ERCC2: variants seen among roughly 807,000 people sequenced by gnomAD.
ERCC2 encodes general transcription and DNA repair factor IIH helicase subunit XPD.
ERCC2 carries 90 observed loss-of-function variants against 99.4 expected under a neutral mutation model. That is an observed-to-expected ratio of 0.91 (90% CI 0.76 to 1.08). The LOEUF (loss-of-function observed/expected upper bound fraction) is 1.08. Ranked by LOEUF, ERCC2 falls within the 50% of genes least tolerant of loss-of-function variation. ERCC2 has a pLI of 0.00. For missense variants in ERCC2, 993 were observed against 1,038.1 expected (o/e 0.96, Z 0.60); for synonymous variants, 497 against 432.4 (o/e 1.15, Z -1.85).
intron 5 of ERCC2, among the ~76,000 whole-genome samples, chr19:45,365,503 C>T (rs1282439450): frequency 6.6e-6 from 1 of 152,054 alleles, no homozygotes; most frequent in Non-Finnish European, 1.5e-5. Context: ...CCCAGTTACT[C>T]GGGAGGCTGA....
intron 12 of ERCC2, chr19:45,358,623 T>C: frequency 3.6e-6 from 2 of 559,844 alleles, no homozygotes; most frequent in Non-Finnish European, 6.4e-6. Flanking sequence ...CCTTTATACT[T>C]GCTGGTCCCA....
At chr19:45,365,381 C>T (rs1229049243) in intron 5 of ERCC2, among the ~76,000 whole-genome samples, 1 of 152,190 alleles carries the variant, frequency 6.6e-6, no homozygotes, top group Non-Finnish European at 1.5e-5. Context: ...CTTTGTGAGG[C>T]TGAGGTGGGC....
rs766330583 is a variant in ERCC2 at position 45,364,302 on chromosome 19, T to G, written c.748A>C (p.Asn250His). 2 of 1,613,984 alleles carry G rather than the reference T, an allele frequency of 1.2e-6. No individual in the cohort carries two copies. The highest frequency in any genetic ancestry group is 1.7e-6 in the Non-Finnish European group (2 of 1,179,984). Residue 250 changes from asparagine (N) to histidine (H), a missense_variant, in exon 9 of 23, where the codon AAC becomes CAC. This residue lies in a region of ERCC2 where 909 missense variants were observed against 930.8 expected (regional missense o/e 0.98). Coordinates refer to ENST00000391945, the MANE Select transcript of ERCC2 (RefSeq NM_000400.4). ...CGGTCAAGGGTCCGGCGGGTGAGGT[T>G]GACGCTCATGGAGTCGATGCAGACG... ...DNVCIDSMSV[N>H]LTRRTLDRCQ...
chr19:45,350,431 G>T lies in ERCC2; in HGVS notation c.*1198C>A, dbSNP rs373031387. On this transcript the variant is annotated 3_prime_UTR_variant, in exon 23 of 23. Coordinates refer to ENST00000391945, the MANE Select transcript of ERCC2 (RefSeq NM_000400.4). The stretch of plus-strand genomic sequence containing the variant: ...CAAGGAGGACCTACCCGCCCCTCTC[G>T]GTGAGCCCCTAGCCCCTGTCTGTCT... The T allele has an allele frequency of 6.2e-7, 1 of 1,612,396 alleles. No individual in the cohort carries two copies. The highest frequency in any genetic ancestry group is 1.7e-5 in the Admixed American group (1 of 59,990).
At chr19:45,364,187 G>A in intron 9 of ERCC2, 48 bp downstream of exon 9, 1 of 1,611,550 alleles carries the variant, frequency 6.2e-7, no homozygotes, top group African/African-American at 1.3e-5. Context: ...CAGGGGCCAG[G>A]GTCCCAGGGG....
At chr19:45,354,581 G>T in intron 17 of ERCC2, 149 bp downstream of exon 17, 1 of 984,300 alleles carries the variant, frequency 1.0e-6, no homozygotes, top group Non-Finnish European at 1.6e-6. Flanking sequence ...GGTGTGTGCT[G>T]CTTACACCCC....
In ERCC2 at chr19:45,351,184, G is replaced by A; in HGVS notation, c.*445C>T. On this transcript the variant is annotated 3_prime_UTR_variant, in exon 23 of 23. Coordinates refer to ENST00000391945, the MANE Select transcript of ERCC2 (RefSeq NM_000400.4). ...TGGGTTTTACTTGGGGTAGAGGCGA[G>A]GGGGTTGGATAGTTGGCTGCCAGGC... 2 of 1,585,884 alleles carry A rather than the reference G, an allele frequency of 1.3e-6. No homozygotes were observed. Among genetic ancestry groups the A allele is most frequent in the African/African-American group, 1.3e-5 (1 of 74,658 alleles).
At chr19:45,367,368 TACACACACACACACACACACAC>T (rs35938083) in intron 5 of ERCC2, among the ~76,000 whole-genome samples, 1 of 83,272 alleles carries the variant, frequency 1.2e-5, no homozygotes, top group South Asian at 3.5e-4. Context: ...TATATATATA[TACACACACACACACACACACAC>T]ACACACACAC....
intron 11 of ERCC2, chr19:45,361,987 A>G (rs1972241357): frequency 6.3e-6 from 2 of 319,926 alleles, no homozygotes; most frequent in Non-Finnish European, 6.1e-6. Context: ...TCCAGGCTGG[A>G]GAGCACTGGT....
In ERCC2 at chr19:45,351,166, T is replaced by C. The variant is rs1599719965; in HGVS notation, c.*463A>G. The C allele has an allele frequency of 6.3e-7, 1 of 1,588,258 alleles. No homozygotes were observed. The highest frequency in any genetic ancestry group is 8.6e-7 in the Non-Finnish European group (1 of 1,166,576). The stretch of plus-strand genomic sequence containing the variant: ...CCAGGACAGGAGCAAAGATGGGTTT[T>C]ACTTGGGGTAGAGGCGAGGGGGTTG... On this transcript the variant is annotated 3_prime_UTR_variant, in exon 23 of 23. Transcript: ENST00000391945.
In ERCC2 at chr19:45,351,390, G is replaced by GACCC; in HGVS notation, c.*238_*239insGGGT. The GACCC allele has an allele frequency of 6.2e-7, 1 of 1,606,562 alleles. No homozygotes were observed. The highest frequency in any genetic ancestry group is 8.5e-7 in the Non-Finnish European group (1 of 1,179,848). ...TGAACTGCGCTGGCCGCAGCTTCTT[G>GACCC]GGAACAGTGCAGGAGGGATGGGCTG... On this transcript the variant is annotated 3_prime_UTR_variant, in exon 23 of 23. Transcript: ENST00000391945.
rs752557188 is a variant in ERCC2 at position 45,368,788 on chromosome 19, G to A, written c.247-45C>T. 3.9e-6 allele frequency: 6 copies of A among 1,554,732 alleles called. No individual in the cohort carries two copies. The South Asian group carries it at 4.5e-5, about 12-fold the overall frequency. The stretch of plus-strand genomic sequence containing the variant: ...CAGGGGGAGCTTGTGCTCATTGGAG[G>A]CACAAACCCCTGCCCTGCCAGGTCC... On this transcript the variant is annotated intron_variant, in intron 4 of 22. Coordinates refer to ENST00000391945, the MANE Select transcript of ERCC2 (RefSeq NM_000400.4).
At chr19:45,364,682 G>T in intron 7 of ERCC2, 135 bp from the exon 8 acceptor site, 3 of 1,395,462 alleles carry the variant, frequency 2.1e-6, no homozygotes, top group South Asian at 1.2e-5. Flanking sequence ...TGAGCAGATG[G>T]ATAGAGACAG....
chr19:45,358,331 T>G, intron 12 of ERCC2: 1 of 194,526 alleles, frequency 5.1e-6, no homozygotes, highest in East Asian at 1.3e-4. Context: ...CCCACGACCT[T>G]TCTACCTAAG....
rs1244316049 is a variant in ERCC2, at chr19:45,364,454, C to T, written c.688G>A (p.Val230Ile). 2 of 1,614,004 alleles carry T rather than the reference C, an allele frequency of 1.2e-6. No homozygotes were observed. The highest frequency in any genetic ancestry group is 1.7e-6 in the Non-Finnish European group (2 of 1,179,996). The change falls in exon 8 of 23, where the codon GTC becomes ATC. Residue 230 changes from valine to isoleucine, a missense_variant. This residue lies in a region of ERCC2 where 909 missense variants were observed against 930.8 expected (regional missense o/e 0.98). Transcript: ENST00000391945. Reference sequence around the variant, plus strand: ...TTGTGGGCCTCGTCGAAGACCACGACGGCCTTGCGGGCCAGTTCCTTGGAC... The same window carrying T: ...TTGTGGGCCTCGTCGAAGACCACGATGGCCTTGCGGGCCAGTTCCTTGGAC... ...LVSKELARKA[V>I]VVFDEAHNID...
Position 45,352,767 on chromosome 19 carries a change from G to A in ERCC2, c.1881C>T (p.Tyr627=). 1 of 1,613,938 alleles carries A rather than the reference G, an allele frequency of 6.2e-7. No individual in the cohort carries two copies. Among genetic ancestry groups the A allele is most frequent in the Non-Finnish European group, 8.5e-7 (1 of 1,179,902 alleles). ...AVIMFGVPYV[Y]TQSRILKARL... The stretch of plus-strand genomic sequence containing the variant: ...TCACCTTGAGAATGCGGCTCTGTGT[G>A]TAGACGTAGGGGACGCCAAACATGA... Residue 627 remains tyrosine, a synonymous_variant, in exon 20 of 23, where the codon TAC becomes TAT. Coordinates refer to ENST00000391945, the MANE Select transcript of ERCC2 (RefSeq NM_000400.4).
intron 13 of ERCC2, 41 bp from the exon 14 acceptor site, chr19:45,357,584 C>T: frequency 1.9e-6 from 3 of 1,613,436 alleles, no homozygotes; most frequent in South Asian, 1.1e-5. Flanking sequence ...GGGGGCTGGG[C>T]CCCCGACCCA....
chr19:45,364,033 G>C lies in ERCC2; in HGVS notation c.902C>G (p.Thr301Arg). Residue 301 changes from threonine (T) to arginine (R), a missense_variant, in exon 10 of 23, where the codon ACG (threonine) becomes AGG (arginine). Around this residue, in one of 3 missense-constraint regions of ERCC2, gnomAD observed 909 missense variants for 930.8 expected, o/e 0.98. Coordinates refer to ENST00000391945, the MANE Select transcript of ERCC2 (RefSeq NM_000400.4). ...GLREASAARE[T>R]DAHLANPVLP... ...CACGGGGTTGGCCAGGTGGGCGTCC[G>C]TCTCCCGGGCGGCGCTGGCCTCCCG... is the stretch of plus-strand genomic sequence containing the variant. 6.4e-7 allele frequency: 1 copy of C among 1,558,718 alleles called. No individual in the cohort carries two copies. Among genetic ancestry groups the C allele is most frequent in the Admixed American group, 1.9e-5 (1 of 52,150 alleles).
In ERCC2 at chr19:45,350,813, ACCC is replaced by A; in HGVS notation, c.*813_*815del. Reference sequence around the variant, plus strand: ...AGAATCCACAGCCCACCCCACCCCCACCCCCATCTTGCTCAAGAACCTTCCATG... The same window carrying A: ...AGAATCCACAGCCCACCCCACCCCCACCATCTTGCTCAAGAACCTTCCATG... On this transcript the variant is annotated 3_prime_UTR_variant, in exon 23 of 23. Transcript: ENST00000391945. The A allele has an allele frequency of 4.5e-6, 2 of 443,682 alleles. No homozygotes were observed. Among genetic ancestry groups the A allele is most frequent in the Non-Finnish European group, 7.0e-6 (2 of 287,726 alleles). 27.5% of individuals were successfully genotyped at this position (443,682 alleles called of 1,614,324 possible).
Sources: allele counts gnomAD v4.1 joint callset (sites outside exome capture counted in the v4.1 genomes callset), GRCh38; gene constraint gnomAD v4.1.1; regional missense constraint gnomAD v4.1.1; transcripts MANE v1.5; gene names NCBI Gene and HGNC (gene_info 2026-07-23, HGNC 2026-07-21).